Variants in CCSER1 observed in about 807,000 individuals in gnomAD.
The protein encoded by CCSER1 is coiled-coil serine rich protein 1, also known as serine-rich coiled-coil domain-containing protein 1.
In CCSER1, 41 loss-of-function variants were observed where a neutral mutation model predicts 82.0. That is an observed-to-expected ratio of 0.50 (90% CI 0.39 to 0.65). The LOEUF (loss-of-function observed/expected upper bound fraction) is 0.65. Ranked by LOEUF, CCSER1 falls within the 30% of genes least tolerant of loss-of-function variation. The probability of loss-of-function intolerance (pLI) is 0.00; values close to 1 mark genes in which losing one functional copy is unlikely to be tolerated. For synonymous variants in CCSER1, 414 were observed against 383.9 expected (o/e 1.08, Z -0.92); for missense variants, 1,119 against 1,064.2 (o/e 1.05, Z -0.72).
At chr4:91,514,517 C>G (rs1759995553) in intron 10 of CCSER1, among the ~76,000 whole-genome samples, 1 of 152,132 alleles carries the variant, frequency 6.6e-6, no homozygotes, top group African/African-American at 2.4e-5. Context: ...AGTTTCTTGC[C>G]TTGATGATCT....
At chr4:90,981,585 G>T (rs1736117385) in intron 9 of CCSER1, among the ~76,000 whole-genome samples, 1 of 151,824 alleles carries the variant, frequency 6.6e-6, no homozygotes, top group Non-Finnish European at 1.5e-5. Flanking sequence ...ATTTACTCAT[G>T]AACTCCAAAG....
intron 3 of CCSER1, among the ~76,000 whole-genome samples, chr4:90,350,208 G>T (rs1006733393): frequency 6.6e-6 from 1 of 152,072 alleles, no homozygotes; most frequent in Non-Finnish European, 1.5e-5. Context: ...CTCTTATAGA[G>T]AAGACGAATA....
chr4:90,270,659 TG>T (rs1726088649), intron 1 of CCSER1, among the ~76,000 whole-genome samples: 1 of 152,034 alleles, frequency 6.6e-6, no homozygotes, highest in Non-Finnish European at 1.5e-5. Context: ...ATCAGACTAC[TG>T]TCTGATTGAA....
intron 10 of CCSER1, among the ~76,000 whole-genome samples, chr4:91,166,884 G>T (rs1732141255): frequency 6.6e-6 from 1 of 151,974 alleles, no homozygotes; most frequent in Admixed American, 6.6e-5. Flanking sequence ...GGAAAACCCT[G>T]TTTTGAATAG....
intron 9 of CCSER1, among the ~76,000 whole-genome samples, chr4:91,055,951 T>A (rs1047194230): frequency 4.5e-4 from 68 of 152,220 alleles, no homozygotes; most frequent in African/African-American, 1.6e-3. Flanking sequence ...ATGCATCCTT[T>A]CTTTTAGCTG....
intron 10 of CCSER1, among the ~76,000 whole-genome samples, chr4:91,307,241 A>G (rs910911169): frequency 8.6e-5 from 13 of 151,826 alleles, no homozygotes; most frequent in Admixed American, 5.3e-4. Flanking sequence ...GTAATTTTTC[A>G]TGAAGAAAAG....
chr4:90,955,483 A>C (rs535237080), intron 9 of CCSER1, among the ~76,000 whole-genome samples: 2 of 152,184 alleles, frequency 1.3e-5, no homozygotes, highest in South Asian at 4.2e-4. Context: ...ACTCCCTCAC[A>C]CTGCTTCCCA....
intron 7 of CCSER1, among the ~76,000 whole-genome samples, chr4:90,813,763 C>T (rs540636093): frequency 6.6e-5 from 10 of 152,298 alleles, no homozygotes; most frequent in Admixed American, 3.3e-4. Context: ...TTCTCAGATA[C>T]GTCTTTATCA....
At chr4:90,757,356 C>T (rs1247931475) in intron 7 of CCSER1, among the ~76,000 whole-genome samples, 7 of 152,188 alleles carry the variant, frequency 4.6e-5, no homozygotes, top group Non-Finnish European at 8.8e-5. Flanking sequence ...GCAGATGGAA[C>T]TCCCGTATCA....
chr4:90,852,014 A>G (rs1034831675), intron 8 of CCSER1, among the ~76,000 whole-genome samples: 1 of 152,246 alleles, frequency 6.6e-6, no homozygotes, highest in Non-Finnish European at 1.5e-5. Flanking sequence ...AACAGAAATT[A>G]TACCTTAATT....
intron 10 of CCSER1, among the ~76,000 whole-genome samples, chr4:91,589,599 A>C (rs376194861): frequency 1.4e-5 from 2 of 144,782 alleles, no homozygotes; most frequent in African/African-American, 5.1e-5. Flanking sequence ...ATGTTTTGCT[A>C]TACTAAGCCA....
intron 5 of CCSER1, among the ~76,000 whole-genome samples, chr4:90,495,077 C>T (rs1768772923): frequency 6.6e-6 from 1 of 152,092 alleles, no homozygotes; most frequent in Non-Finnish European, 1.5e-5. Context: ...AATTTACTAC[C>T]TTTTAAAATG....
At chr4:91,208,757 A>AAGTCAG in intron 10 of CCSER1, among the ~76,000 whole-genome samples, 1 of 151,642 alleles carries the variant, frequency 6.6e-6, no homozygotes, top group Admixed American at 6.6e-5. Context: ...TCTGTGAAGA[A>AAGTCAG]TGGTAGTTTG....
intron 6 of CCSER1, among the ~76,000 whole-genome samples, chr4:90,691,673 GTATC>G (rs1735987793): frequency 1.4e-5 from 2 of 143,550 alleles, no homozygotes; most frequent in African/African-American, 5.2e-5. Flanking sequence ...ATGTACGTGT[GTATC>G]TATGTGTATA....
chr4:90,862,669 T>TAA (rs928238765), intron 8 of CCSER1, among the ~76,000 whole-genome samples: 3 of 151,918 alleles, frequency 2.0e-5, no homozygotes, highest in Non-Finnish European at 4.4e-5. Context: ...ACACAAAAGC[T>TAA]GTTGCTTTAT....
At chr4:90,164,540 C>T (rs1401487390) in intron 1 of CCSER1, among the ~76,000 whole-genome samples, 4 of 151,920 alleles carry the variant, frequency 2.6e-5, no homozygotes, top group South Asian at 2.1e-4. Flanking sequence ...GATTGAGTTA[C>T]ATAAGAAAGG....
chr4:91,000,894 C>T (rs1191004047), intron 9 of CCSER1, among the ~76,000 whole-genome samples: 1 of 152,032 alleles, frequency 6.6e-6, no homozygotes, highest in Admixed American at 6.6e-5. Flanking sequence ...TTCTTCCTTT[C>T]CTATTTGGAT....
intron 6 of CCSER1, among the ~76,000 whole-genome samples, chr4:90,653,341 A>C (rs1729127560): frequency 1.3e-5 from 2 of 152,170 alleles, no homozygotes; most frequent in African/African-American, 4.8e-5. Context: ...TGTGTTACCT[A>C]AGAAAGAATA....
At chr4:91,063,019 A>G (rs1272053424) in intron 9 of CCSER1, among the ~76,000 whole-genome samples, 1 of 152,276 alleles carries the variant, frequency 6.6e-6, no homozygotes, top group East Asian at 1.9e-4. Context: ...GAGATCAAAT[A>G]ATATTCACAT....
Sources: allele counts gnomAD v4.1 joint callset (sites outside exome capture counted in the v4.1 genomes callset), GRCh38; gene constraint gnomAD v4.1.1; transcripts MANE v1.5; gene names NCBI Gene and HGNC (gene_info 2026-07-23, HGNC 2026-07-21).